Variants in TRNAU1AP observed in about 807,000 individuals in gnomAD.
TRNAU1AP encodes the protein tRNA selenocysteine 1-associated protein 1.
Under a neutral mutation model 43.3 loss-of-function variants are expected in TRNAU1AP, and 33 were observed. The observed-to-expected ratio is 0.76, with a 90% CI of 0.58 to 1.02. The LOEUF is 1.02. TRNAU1AP is among the 50% of genes least tolerant of loss of function. The pLI, the probability that TRNAU1AP is intolerant of heterozygous loss-of-function variation, is 0.00. For missense variants in TRNAU1AP, 290 were observed against 362.7 expected, an observed-to-expected ratio of 0.80 and a Z score of 1.63; for synonymous variants, 143 against 129.1, an observed-to-expected ratio of 1.11 and a Z score of -0.73.
In TRNAU1AP at chr1:28,571,132, G is replaced by T. The variant is rs1473365124; in HGVS notation, c.531-44G>T. Reference sequence around the variant, plus strand: ...CTGTGGCCACATAGGCAGTGTTACGGAAATGTTTGCTTACACTTATTTTTG... The same window carrying T: ...CTGTGGCCACATAGGCAGTGTTACGTAAATGTTTGCTTACACTTATTTTTG... On this transcript the variant is annotated intron_variant, in intron 6 of 8. Coordinates refer to ENST00000373830, the MANE Select transcript of TRNAU1AP (RefSeq NM_017846.5). 1.9e-6 allele frequency: 3 copies of T among 1,598,414 alleles called. No homozygotes were observed. The African/African-American group carries it at 4.0e-5, about 21-fold the overall frequency.
intron 5 of TRNAU1AP, 124 bp from the exon 6 acceptor site, chr1:28,567,170 C>T (rs1343875591): frequency 3.8e-5 from 39 of 1,028,684 alleles, no homozygotes; most frequent in Non-Finnish European, 5.6e-5. Context: ...CTCTCTCTTT[C>T]TCTTCTCAGC....
intron 4 of TRNAU1AP, among the ~76,000 whole-genome samples, chr1:28,562,920 G>C (rs1272700542): frequency 7.0e-6 from 1 of 143,226 alleles, no homozygotes; most frequent in Non-Finnish European, 1.5e-5. Flanking sequence ...TTTTGAGATG[G>C]AGTCTCACTC....
chr1:28,571,249 AACT>A lies in TRNAU1AP; in HGVS notation c.609_611del (p.Tyr204del). On this transcript the variant is annotated inframe_deletion, in exon 7 of 9. Coordinates refer to ENST00000373830, the MANE Select transcript of TRNAU1AP (RefSeq NM_017846.5). The stretch of plus-strand genomic sequence containing the variant: ...CAACCAGTATTATCAGCAGTACCAG[AACT>A]ACTATGCTCAGTGGGGCTATGACCA... 1 of 1,614,074 alleles carries A rather than the reference AACT, an allele frequency of 6.2e-7. No homozygotes were observed. Among genetic ancestry groups the A allele is most frequent in the Non-Finnish European group, 8.5e-7 (1 of 1,179,946 alleles).
In TRNAU1AP at chr1:28,553,741, A is replaced by C. The variant is rs745904232; in HGVS notation, c.125+4A>C. The C allele has an allele frequency of 4.3e-6, 7 of 1,613,106 alleles. No homozygotes were observed. The African/African-American group carries it at 9.3e-5, about 22-fold the overall frequency. ...TTATCCGAAACCGCCTCACTGGGTA[A>C]GTCTCATCTCAGGTCTCTCTTAATA... On this transcript the variant is annotated splice_donor_region_variant and intron_variant, in intron 2 of 8. Transcript: ENST00000373830.
At chr1:28,575,965 A>G (rs994888839) in intron 8 of TRNAU1AP, among the ~76,000 whole-genome samples, 58 of 145,608 alleles carry the variant, frequency 4.0e-4, no homozygotes, top group African/African-American at 1.5e-3. Flanking sequence ...GGTTCAGGTG[A>G]TTCTCCTGCC....
rs781667226 is a variant in TRNAU1AP at position 28,553,106 on chromosome 1, C to G, written c.-5C>G. 6.6e-6 allele frequency: 10 copies of G among 1,519,414 alleles called. No homozygotes were observed. The African/African-American group carries it at 1.3e-4, about 19-fold the overall frequency. The allele number at this position is 1,519,414 out of a possible 1,614,324, so 94.1% of individuals were successfully genotyped here. The stretch of plus-strand genomic sequence containing the variant: ...GCCCGCAAAGCCCCACCCCGGTGCG[C>G]GGGTATGGCGGCCAGCCTGTGGATG... On this transcript the variant is annotated 5_prime_UTR_variant, in exon 1 of 9. Coordinates refer to ENST00000373830, the MANE Select transcript of TRNAU1AP (RefSeq NM_017846.5).
chr1:28,560,428 T>A (rs1354971233), intron 2 of TRNAU1AP, among the ~76,000 whole-genome samples: 1 of 151,924 alleles, frequency 6.6e-6, no homozygotes, highest in Admixed American at 6.6e-5. Context: ...ACTACAGGTG[T>A]GCGCCGCCAT....
At chr1:28,565,115 G>A (rs1665508722) in intron 5 of TRNAU1AP, 1 of 390,332 alleles carries the variant, frequency 2.6e-6, no homozygotes, top group Non-Finnish European at 4.6e-6. Context: ...ATATAAGTAA[G>A]TCACATTTGA....
At position 28,564,829 on chromosome 1, in the gene TRNAU1AP, GTC is replaced by G; in HGVS notation, c.407_408del (p.Ser136Ter). On this transcript the variant is annotated frameshift_variant, in exon 5 of 9. Transcript: ENST00000373830. LOFTEE classifies it high-confidence loss of function. ...AGGTGGTTTTGGACCAGACAGGCGT[GTC>G]TAAGTAAGGCCTTACTTGTTACTGA... The part of the protein sequence containing the change: ...GKVVLDQTGV[S>X]KGYGFVKFTD... The G allele has an allele frequency of 6.2e-7, 1 of 1,614,054 alleles. No individual in the cohort carries two copies. Among genetic ancestry groups the G allele is most frequent in the Non-Finnish European group, 8.5e-7 (1 of 1,179,982 alleles).
At chr1:28,576,669 G>A (rs1035327282) in intron 8 of TRNAU1AP, among the ~76,000 whole-genome samples, 3 of 151,532 alleles carry the variant, frequency 2.0e-5, no homozygotes, top group South Asian at 4.2e-4. Flanking sequence ...GTGCCATCTC[G>A]GCTCACCGCA....
rs1156282454 is a variant in TRNAU1AP at position 28,561,346 on chromosome 1, G to C, written c.226G>C (p.Ala76Pro). The change falls in exon 4 of 9, where the codon GCG (alanine) becomes CCG (proline). Residue 76 changes from alanine (A) to proline (P), a missense_variant and splice_region_variant. Ala to Pro is a conservative substitution (Grantham distance 27). Coordinates refer to ENST00000373830, the MANE Select transcript of TRNAU1AP (RefSeq NM_017846.5). ...AGTTTGTTTGTTTTTCAACTTCCAG[G>C]CGAAACGTTTTAAACTGAACTATGC... ...NGKPLPGATP[A>P]KRFKLNYATY... The C allele has an allele frequency of 6.2e-7, 1 of 1,614,090 alleles. No homozygotes were observed. The highest frequency in any genetic ancestry group is 1.1e-5 in the South Asian group (1 of 91,078).
At chr1:28,564,376 G>A (rs557636123) in intron 4 of TRNAU1AP, among the ~76,000 whole-genome samples, 23 of 152,196 alleles carry the variant, frequency 1.5e-4, no homozygotes, top group African/African-American at 5.1e-4. Flanking sequence ...TACAAGGAAT[G>A]CAGAATGCAT....
In TRNAU1AP at chr1:28,553,899, A is replaced by G. The variant is rs562491226; in HGVS notation, c.125+162A>G. The G allele has an allele frequency of 3.7e-5, 25 of 671,912 alleles. No individual in the cohort carries two copies. The African/African-American group carries it at 4.1e-4, about 11-fold the overall frequency. The allele number at this position is 671,912 out of a possible 1,614,324, so 41.6% of individuals were successfully genotyped here. A position where few individuals can be genotyped will look rare whatever the true frequency, so the allele number is the denominator to read the frequency against. ...CCCAATGAGTGGAAGGATGGCATGT[A>G]GCTTAAGGGTAGGACTTGCCAGGCG... On this transcript the variant is annotated intron_variant, in intron 2 of 8. Transcript: ENST00000373830.
intron 8 of TRNAU1AP, among the ~76,000 whole-genome samples, chr1:28,573,798 A>C (rs895175554): frequency 7.3e-5 from 11 of 150,926 alleles, no homozygotes; most frequent in African/African-American, 1.9e-4. Context: ...TTATCCAGGC[A>C]TGGTGGCCCA....
chr1:28,553,089 A>G lies in TRNAU1AP; in HGVS notation c.-22A>G. ...CCCGCCCGCAGAGCCCCGCCCGCAA[A>G]GCCCCACCCCGGTGCGCGGGTATGG... is the stretch of plus-strand genomic sequence containing the variant. On this transcript the variant is annotated 5_prime_UTR_variant, in exon 1 of 9. Coordinates refer to ENST00000373830, the MANE Select transcript of TRNAU1AP (RefSeq NM_017846.5). The G allele has an allele frequency of 1.3e-6, 2 of 1,523,564 alleles. No individual in the cohort carries two copies. The highest frequency in any genetic ancestry group is 2.6e-5 in the East Asian group (1 of 38,368). 94.4% of individuals were successfully genotyped at this position (1,523,564 alleles called of 1,614,324 possible). A position where few individuals can be genotyped will look rare whatever the true frequency, so the allele number is the denominator to read the frequency against.
chr1:28,577,732 AT>A lies in TRNAU1AP; in HGVS notation c.*100del. On this transcript the variant is annotated 3_prime_UTR_variant, in exon 9 of 9. Coordinates refer to ENST00000373830, the MANE Select transcript of TRNAU1AP (RefSeq NM_017846.5). The stretch of plus-strand genomic sequence containing the variant: ...CCTTTTTGGAAATATGATTTGTAAG[AT>A]TTTAATAATGACTGTTTTTGGAGAT... 1.5e-6 allele frequency: 2 copies of A among 1,305,542 alleles called. No individual in the cohort carries two copies. The highest frequency in any genetic ancestry group is 2.1e-6 in the Non-Finnish European group (2 of 943,140). The allele number at this position is 1,305,542 out of a possible 1,614,324, so 80.9% of individuals were successfully genotyped here.
intron 6 of TRNAU1AP, among the ~76,000 whole-genome samples, chr1:28,569,502 T>A (rs990767488): frequency 7.9e-5 from 12 of 151,378 alleles, no homozygotes; most frequent in African/African-American, 2.7e-4. Flanking sequence ...CCATCCTTGC[T>A]AACATGGTGA....
At chr1:28,560,869 C>T (rs1254150770) in intron 3 of TRNAU1AP, 137 bp downstream of exon 3, 3 of 885,120 alleles carry the variant, frequency 3.4e-6, no homozygotes, top group Non-Finnish European at 5.0e-6. Context: ...TCTTTGTAGG[C>T]CCAGGAAACT....
In TRNAU1AP at chr1:28,553,738, G is replaced by A. The variant is rs544501574; in HGVS notation, c.125+1G>A. ...AAATTATCCGAAACCGCCTCACTGG[G>A]TAAGTCTCATCTCAGGTCTCTCTTA... On this transcript the variant is annotated splice_donor_variant, in intron 2 of 8. Transcript: ENST00000373830. LOFTEE classifies it high-confidence loss of function. 6.2e-7 allele frequency: 1 copy of A among 1,613,502 alleles called. No individual in the cohort carries two copies. The highest frequency in any genetic ancestry group is 1.1e-5 in the South Asian group (1 of 91,068).
Sources: allele counts gnomAD v4.1 joint callset (sites outside exome capture counted in the v4.1 genomes callset), GRCh38; gene constraint gnomAD v4.1.1; transcripts MANE v1.5; gene names NCBI Gene and HGNC (gene_info 2026-07-23, HGNC 2026-07-21).